Variants in FRMD8 observed in about 807,000 individuals in gnomAD.
FRMD8 encodes FERM domain containing 8, also known as FERM domain-containing protein 8.
In FRMD8, 37 loss-of-function variants were observed where a neutral mutation model predicts 54.2. That is an observed-to-expected ratio of 0.68 (90% CI 0.53 to 0.90). The LOEUF (loss-of-function observed/expected upper bound fraction) is 0.90. Among genes scored for constraint, FRMD8 ranks in the 40% least tolerant of loss-of-function variants. The pLI, the probability that FRMD8 is intolerant of heterozygous loss-of-function variation, is 0.00. For missense variants in FRMD8, 585 were observed against 653.7 expected (o/e 0.89, Z 1.15); for synonymous variants, 246 against 286.9 (o/e 0.86, Z 1.44).
intron 10 of FRMD8, among the ~76,000 whole-genome samples, chr11:65,406,897 G>A (rs7931328): frequency 6.6e-6 from 1 of 151,760 alleles, no homozygotes; most frequent in Non-Finnish European, 1.5e-5. Context: ...CCAAAATCAC[G>A]CCACTGCACT....
intron 3 of FRMD8, among the ~76,000 whole-genome samples, chr11:65,393,057 G>A (rs1255321917): frequency 2.0e-5 from 3 of 152,208 alleles, no homozygotes; most frequent in African/African-American, 4.8e-5. Flanking sequence ...GCTGGGTTGC[G>A]TGTGGGCCAC....
intron 2 of FRMD8, chr11:65,387,370 T>C (rs1002178395): frequency 1.6e-6 from 1 of 624,150 alleles, no homozygotes; most frequent in Non-Finnish European, 2.9e-6. Context: ...AATGAGATTA[T>C]ATGAATGAAA....
intron 10 of FRMD8, among the ~76,000 whole-genome samples, chr11:65,408,264 G>A (rs1856251950): frequency 6.6e-6 from 1 of 151,824 alleles, no homozygotes; most frequent in Non-Finnish European, 1.5e-5. Context: ...AGTAGAGACG[G>A]AGTTTCTCCA....
At chr11:65,374,585 C>T in the FRMD8 span, among the ~76,000 whole-genome samples, 3 of 152,252 alleles carry the variant, frequency 2.0e-5, no homozygotes, top group African/African-American at 7.2e-5. Context: ...CAGATAGGGA[C>T]ATTAGTGGGT....
chr11:65,380,367 C>T, the FRMD8 span: 1,371 of 940,392 alleles, frequency 1.5e-3, 10 homozygotes, highest in East Asian at 0.016. Flanking sequence ...AGGCACTGGG[C>T]CAGGAAGGCA....
chr11:65,407,717 G>A (rs530285736), intron 10 of FRMD8, among the ~76,000 whole-genome samples: 10 of 151,862 alleles, frequency 6.6e-5, no homozygotes, highest in South Asian at 2.1e-4. Context: ...GTGAAACCCT[G>A]TCTCTACTAA....
chr11:65,370,109 C>T, the FRMD8 span, among the ~76,000 whole-genome samples: 9 of 151,560 alleles, frequency 5.9e-5, no homozygotes, highest in Non-Finnish European at 1.2e-4. Context: ...GTAATCCCAG[C>T]TACTTGGGAG....
chr11:65,383,770 C>CAA (rs1477121637), upstream of FRMD8: 3 of 97,424 alleles, frequency 3.1e-5, no homozygotes, highest in South Asian at 3.2e-4. Context: ...AAAAAAAAAA[C>CAA]AAACAAACAA....
intron 9 of FRMD8, among the ~76,000 whole-genome samples, chr11:65,403,878 C>G (rs1590658462): frequency 6.6e-6 from 1 of 152,330 alleles, no homozygotes; most frequent in African/African-American, 2.4e-5. Context: ...GTAGGCTTCC[C>G]TGTTATGGTT....
Position 65,405,030 on chromosome 11 carries a change from G to A in FRMD8, c.1238G>A (p.Arg413Gln), listed in dbSNP as rs777008508. 25 of 1,613,398 alleles carry A rather than the reference G, an allele frequency of 1.5e-5. No homozygotes were observed. The highest frequency in any genetic ancestry group is 3.3e-5 in the South Asian group (3 of 91,096). The change falls in exon 10 of 11, where the codon CGG (arginine) becomes CAG (glutamine). Residue 413 changes from arginine to glutamine, a missense_variant. Arg to Gln is a conservative substitution (Grantham distance 43, BLOSUM62 1). Transcript: ENST00000317568. ...AGGCAGGGCAGTGTGGTGTCCAGCC[G>A]GATCCAGCATCTCTCCACCATCGAC... is the stretch of plus-strand genomic sequence containing the variant. Reference protein sequence around the residue: ...LRRQGSVVSSRIQHLSTIDYV... With the variant: ...LRRQGSVVSSQIQHLSTIDYV...
chr11:65,390,823 C>T (rs748164361), intron 3 of FRMD8, among the ~76,000 whole-genome samples: 1 of 152,282 alleles, frequency 6.6e-6, no homozygotes, highest in Admixed American at 6.5e-5. Context: ...TCACCTCCTC[C>T]GTCTCCACTC....
the FRMD8 span, chr11:65,381,470 G>C: frequency 5.7e-6 from 1 of 176,646 alleles, no homozygotes; most frequent in South Asian, 1.1e-4. Context: ...TGTTGCCCAG[G>C]CTGGTCTCAA....
intron 6 of FRMD8, among the ~76,000 whole-genome samples, chr11:65,395,478 G>T (rs1007413927): frequency 1.3e-5 from 2 of 152,328 alleles, no homozygotes; most frequent in African/African-American, 4.8e-5. Context: ...GATGGAGGTT[G>T]CAGTGAGCCG....
upstream of FRMD8, chr11:65,383,786 A>AAAC (rs1565590357): frequency 1.4e-5 from 2 of 139,368 alleles, no homozygotes; most frequent in East Asian, 4.4e-4. Context: ...AACAAACAAA[A>AAAC]AAAAAACCCT....
rs574671798 is a variant in FRMD8 at position 65,406,529 on chromosome 11, C to T, written c.1276+1461C>T. On this transcript the variant is annotated intron_variant, in intron 10 of 10. Coordinates refer to ENST00000317568, the MANE Select transcript of FRMD8 (RefSeq NM_031904.5). ...GTTTTTAGTAGAGATGGGGTTTCAC[C>T]GTGTTAGCCAGGATGGTCTCAATTT... 6.6e-5 allele frequency among the ~76,000 whole-genome samples: 10 copies of T among 151,416 alleles called. 1 individual carries two copies. Among genetic ancestry groups the T allele is most frequent in the Middle Eastern group, 6.3e-3 (2 of 316 alleles).
chr11:65,405,762 G>A (rs1210364377), intron 10 of FRMD8, among the ~76,000 whole-genome samples: 4 of 152,172 alleles, frequency 2.6e-5, no homozygotes, highest in African/African-American at 7.2e-5. Flanking sequence ...TACTTTGGGA[G>A]ACCAAGACAA....
chr11:65,401,465 TC>T (rs1433460252), intron 9 of FRMD8, among the ~76,000 whole-genome samples: 4 of 144,640 alleles, frequency 2.8e-5, no homozygotes, highest in Admixed American at 7.0e-5. Context: ...TCAGGACTGT[TC>T]CCACCCCTTC....
the FRMD8 span, among the ~76,000 whole-genome samples, chr11:65,369,971 C>A: frequency 6.7e-6 from 1 of 148,690 alleles, no homozygotes; most frequent in Non-Finnish European, 1.5e-5. Flanking sequence ...GTGGAAGTTG[C>A]GGTGAGCCAA....
At position 65,413,381 on chromosome 11, in the gene FRMD8, C is replaced by T. The variant is rs538768445; in HGVS notation, c.*2021C>T. ...TCTGAGTACACAGATGATGTGTTTT[C>T]CCTTCAGCTTCTTACGTTTTCTGAG... On this transcript the variant is annotated 3_prime_UTR_variant, in exon 11 of 11. Coordinates refer to ENST00000317568, the MANE Select transcript of FRMD8 (RefSeq NM_031904.5). The T allele has an allele frequency of 2.0e-4, 31 of 152,314 alleles. No individual in the cohort carries two copies. The highest frequency in any genetic ancestry group is 7.2e-4 in the African/African-American group (30 of 41,570). The allele number at this position is 152,314 out of a possible 1,614,324, so 9.4% of individuals were successfully genotyped here.
Sources: allele counts gnomAD v4.1 joint callset (sites outside exome capture counted in the v4.1 genomes callset), GRCh38; gene constraint gnomAD v4.1.1; transcripts MANE v1.5; gene names NCBI Gene and HGNC (gene_info 2026-07-23, HGNC 2026-07-21).